RAB43: variants seen among roughly 807,000 people sequenced by gnomAD.
RAB43 encodes RAB43, member RAS oncogene family, also known as ras-related protein Rab-43.
Under a neutral mutation model 18.8 loss-of-function variants are expected in RAB43, and 6 were observed. The observed-to-expected ratio is 0.32, with a 90% CI of 0.17 to 0.63. The LOEUF (loss-of-function observed/expected upper bound fraction) is 0.63, where lower values mean the gene tolerates loss of function less well. Among genes scored for constraint, RAB43 ranks in the 30% least tolerant of loss-of-function variants. The pLI is 0.79. For missense variants in RAB43, 195 were observed against 289.1 expected, an observed-to-expected ratio of 0.67 and a Z score of 2.36; for synonymous variants, 103 against 124.1, an observed-to-expected ratio of 0.83 and a Z score of 1.13.
At chr3:129,104,597 AT>A (rs1934633845) in intron 1 of RAB43, among the ~76,000 whole-genome samples, 1 of 152,118 alleles carries the variant, frequency 6.6e-6, no homozygotes, top group South Asian at 2.1e-4. Context: ...TGGGGTGGGG[AT>A]TTCAAGGCTG....
At chr3:129,120,364 G>A (rs1935827426) in intron 1 of RAB43, among the ~76,000 whole-genome samples, 1 of 152,182 alleles carries the variant, frequency 6.6e-6, no homozygotes, top group African/African-American at 2.4e-5. Context: ...GGCAGAGATC[G>A]TCCCAGCCCT....
chr3:129,099,602 T>A (rs894814717), intron 1 of RAB43, among the ~76,000 whole-genome samples: 1 of 149,960 alleles, frequency 6.7e-6, no homozygotes, highest in Non-Finnish European at 1.5e-5. Flanking sequence ...GTCAGTCTGG[T>A]CTCGAACTCC....
intron 1 of RAB43, among the ~76,000 whole-genome samples, chr3:129,118,901 A>C (rs772756674): frequency 2.6e-5 from 4 of 152,226 alleles, no homozygotes; most frequent in African/African-American, 4.8e-5. Context: ...GCTCTGGTTC[A>C]TCAAGGCTTT....
intron 1 of RAB43, among the ~76,000 whole-genome samples, chr3:129,109,832 AT>A (rs1935034851): frequency 6.6e-6 from 1 of 151,958 alleles, no homozygotes. Flanking sequence ...GGAATGGGCA[AT>A]GAGGAGAAAG....
chr3:129,101,228 T>C (rs1934392428), intron 1 of RAB43, among the ~76,000 whole-genome samples: 1 of 152,204 alleles, frequency 6.6e-6, no homozygotes, highest in Admixed American at 6.5e-5. Context: ...TACTGAGCTA[T>C]TATAATTTTG....
chr3:129,091,700 A>T (rs1933668030), intron 2 of RAB43, among the ~76,000 whole-genome samples: 1 of 151,816 alleles, frequency 6.6e-6, no homozygotes, highest in Admixed American at 6.6e-5. Flanking sequence ...CCTTGACCCA[A>T]TTTCTAGAAT....
At chr3:129,104,473 G>A (rs1387359264) in intron 1 of RAB43, among the ~76,000 whole-genome samples, 2 of 152,222 alleles carry the variant, frequency 1.3e-5, no homozygotes, top group Non-Finnish European at 2.9e-5. Context: ...TGGACCCAGA[G>A]GGTATGGGTA....
chr3:129,095,297 A>G lies in RAB43; in HGVS notation c.205-128T>C. 1.5e-6 allele frequency: 2 copies of G among 1,308,032 alleles called. No individual in the cohort carries two copies. The highest frequency in any genetic ancestry group is 3.1e-5 in the South Asian group (2 of 65,190). The allele number at this position is 1,308,032 out of a possible 1,614,324, so 81.0% of individuals were successfully genotyped here. On this transcript the variant is annotated intron_variant, in intron 1 of 2. Coordinates refer to ENST00000315150, the MANE Select transcript of RAB43 (RefSeq NM_198490.3). The surrounding 1 kb of genome is among the most constrained non-coding windows in gnomAD (Gnocchi z 4.2). ...GCTAGGAGGCCTTCTGAGTCCTTAG[A>G]AAGCAACTCAATGGCTCAACCTTGT... is the stretch of plus-strand genomic sequence containing the variant.
intron 1 of RAB43, among the ~76,000 whole-genome samples, chr3:129,114,625 C>T (rs1195936519): frequency 2.0e-5 from 3 of 150,742 alleles, no homozygotes; most frequent in East Asian, 2.0e-4. Flanking sequence ...AGCATGAGGT[C>T]TCAGCAAAGG....
chr3:129,109,562 C>A (rs1935015707), intron 1 of RAB43, among the ~76,000 whole-genome samples: 2 of 150,878 alleles, frequency 1.3e-5, no homozygotes, highest in Non-Finnish European at 2.9e-5. Context: ...CAGAGTGAAA[C>A]CCCGTCTCTA....
At chr3:129,091,926 C>G (rs1933687251) in intron 2 of RAB43, among the ~76,000 whole-genome samples, 1 of 151,994 alleles carries the variant, frequency 6.6e-6, no homozygotes, top group South Asian at 2.1e-4. Flanking sequence ...AAAAAATTAG[C>G]TAGGCGTGGT....
chr3:129,121,015 C>T (rs1935874315), intron 1 of RAB43, among the ~76,000 whole-genome samples: 1 of 151,780 alleles, frequency 6.6e-6, no homozygotes, highest in South Asian at 2.1e-4. Flanking sequence ...GAGCACAGTC[C>T]CCTCCTAGGG....
chr3:129,109,742 A>AAATAAT lies in RAB43; in HGVS notation c.204+11538_204+11543dup, dbSNP rs530716127. ...AGGCGACAGTGAGAGACTCCATCTA[A>AAATAAT]AATAATAATAATAATAATAATAATA... On this transcript the variant is annotated intron_variant, in intron 1 of 2. Transcript: ENST00000315150. Among the ~76,000 whole-genome samples, 9 of 150,662 alleles carry AAATAAT rather than the reference A, an allele frequency of 6.0e-5. No homozygotes were observed. In the East Asian group the frequency reaches 7.8e-4, roughly 13 times the overall value.
At chr3:129,120,725 A>C (rs922778284) in intron 1 of RAB43, among the ~76,000 whole-genome samples, 1 of 152,148 alleles carries the variant, frequency 6.6e-6, no homozygotes, top group Non-Finnish European at 1.5e-5. Context: ...AAGTTCCACC[A>C]CCAGGTCCAC....
chr3:129,117,200 A>T (rs1035233425), intron 1 of RAB43, among the ~76,000 whole-genome samples: 1 of 152,204 alleles, frequency 6.6e-6, no homozygotes, highest in Non-Finnish European at 1.5e-5. Context: ...TGAATGGTTT[A>T]TCTATTCAAA....
chr3:129,118,476 CCT>C (rs1935694808), intron 1 of RAB43, among the ~76,000 whole-genome samples: 1 of 151,964 alleles, frequency 6.6e-6, no homozygotes, highest in South Asian at 2.1e-4. Flanking sequence ...CCCTTCTGAC[CCT>C]CTCTCTGACC....
chr3:129,106,738 A>G (rs992491271), intron 1 of RAB43, among the ~76,000 whole-genome samples: 10 of 152,142 alleles, frequency 6.6e-5, no homozygotes, highest in African/African-American at 2.4e-4. Context: ...AGGGGAGTAG[A>G]GGACCAGGAC....
In RAB43 at chr3:129,098,933, C is replaced by T. The variant is rs895513350; in HGVS notation, c.205-3764G>A. Among the ~76,000 whole-genome samples, 6 of 152,004 alleles carry T rather than the reference C, an allele frequency of 3.9e-5. No homozygotes were observed. In the East Asian group the frequency reaches 9.8e-4, roughly 25 times the overall value. Reference sequence around the variant, plus strand: ...ACCAAAAATACAAAAATTAGCCAGGCATCGTGGTATGCTCCTGTAATCCCA... The same window carrying T: ...ACCAAAAATACAAAAATTAGCCAGGTATCGTGGTATGCTCCTGTAATCCCA... On this transcript the variant is annotated intron_variant, in intron 1 of 2. Transcript: ENST00000315150.
intron 1 of RAB43, among the ~76,000 whole-genome samples, chr3:129,104,696 G>A (rs1934640462): frequency 6.6e-6 from 1 of 152,252 alleles, no homozygotes; most frequent in African/African-American, 2.4e-5. Context: ...CAGTCGGGAA[G>A]CACATGTTGG....
Sources: gnomAD v4.1 joint callset for allele counts (sites outside exome capture counted in the v4.1 genomes callset) on GRCh38, gnomAD v4.1.1 for gene constraint, Gnocchi (gnomAD v3.1) non-coding constraint, MANE v1.5 for transcripts, NCBI Gene and HGNC (gene_info 2026-07-23, HGNC 2026-07-21) for gene names.